The following NEO1 variants were observed in gnomAD, a reference collection of about 807,000 sequenced individuals.
The protein encoded by NEO1 is neogenin 1.
Under a neutral mutation model 159.7 loss-of-function variants are expected in NEO1, and 63 were observed. The ratio of observed to expected loss-of-function variants is 0.39; its 90% CI spans 0.32 to 0.49. NEO1 has a LOEUF of 0.49. Ranked by LOEUF, NEO1 falls within the 20% of genes least tolerant of loss-of-function variation. The pLI is 0.85. For synonymous variants in NEO1, 633 were observed against 662.0 expected (o/e 0.96, Z 0.67); for missense variants, 1,615 against 1,831.0 (o/e 0.88, Z 2.15).
chr15:73,198,171 T>G lies in NEO1; in HGVS notation c.1291+19744T>G, dbSNP rs554060437. ...TTAAAAATTCAACGTATTTAGCCATTTTTTTTTCTAGCAGCACTCAGGATT... is the reference window on the plus strand; with the variant it reads ...TTAAAAATTCAACGTATTTAGCCATGTTTTTTTCTAGCAGCACTCAGGATT... On this transcript the variant is annotated intron_variant, in intron 7 of 28. Transcript: ENST00000261908. Among the ~76,000 whole-genome samples, 10 of 152,126 alleles carry G rather than the reference T, an allele frequency of 6.6e-5. No homozygotes were observed. The East Asian group carries it at 1.7e-3, about 26-fold the overall frequency.
chr15:73,094,286 G>A (rs901468868), intron 1 of NEO1, among the ~76,000 whole-genome samples: 3 of 152,000 alleles, frequency 2.0e-5, no homozygotes, highest in Non-Finnish European at 4.4e-5. Context: ...TTACCTATTC[G>A]GGATATTTCA....
chr15:73,126,284 G>A (rs964346427), intron 3 of NEO1, 133 bp from the exon 4 acceptor site: 20 of 682,750 alleles, frequency 2.9e-5, no homozygotes, highest in Non-Finnish European at 4.6e-5. Context: ...TGCCTACGCT[G>A]GTCTCAAACT....
At chr15:73,120,153 A>ATTAATTTAAT in intron 2 of NEO1, among the ~76,000 whole-genome samples, 1 of 149,772 alleles carries the variant, frequency 6.7e-6, no homozygotes, top group East Asian at 1.9e-4. Flanking sequence ...AAATTAATTA[A>ATTAATTTAAT]TTAATTTAAT....
At chr15:73,179,269 A>G (rs2035461901) in intron 7 of NEO1, among the ~76,000 whole-genome samples, 1 of 152,212 alleles carries the variant, frequency 6.6e-6, no homozygotes, top group African/African-American at 2.4e-5. Flanking sequence ...AGGAGCAACT[A>G]CAACCCCTAG....
chr15:73,251,114 A>C (rs1393279407), intron 11 of NEO1, among the ~76,000 whole-genome samples: 1 of 152,210 alleles, frequency 6.6e-6, no homozygotes, highest in Non-Finnish European at 1.5e-5. Context: ...AGATAAATAA[A>C]ACAGTTGTTG....
chr15:73,138,642 G>C (rs57449417), intron 5 of NEO1, among the ~76,000 whole-genome samples: 1,654 of 152,056 alleles, frequency 0.011, 32 homozygotes, highest in African/African-American at 0.038. Context: ...TGTAGTCCCA[G>C]CTACTTGGGA....
intron 5 of NEO1, among the ~76,000 whole-genome samples, chr15:73,165,717 C>T (rs2034526745): frequency 6.6e-6 from 1 of 152,162 alleles, no homozygotes; most frequent in African/African-American, 2.4e-5. Flanking sequence ...TGAAAGAAGA[C>T]AGCTCTCCAC....
chr15:73,058,392 G>A (rs2067821163), intron 1 of NEO1, among the ~76,000 whole-genome samples: 1 of 152,208 alleles, frequency 6.6e-6, no homozygotes, highest in South Asian at 2.1e-4. Flanking sequence ...GTTGGCATTG[G>A]AATCCAGGTT....
intron 25 of NEO1, among the ~76,000 whole-genome samples, chr15:73,290,692 A>G (rs975246571): frequency 3.9e-5 from 6 of 152,186 alleles, no homozygotes; most frequent in Admixed American, 6.5e-5. Context: ...TCAAACTACT[A>G]TGTCCTCTCT....
intron 5 of NEO1, among the ~76,000 whole-genome samples, chr15:73,167,932 A>C (rs1027171512): frequency 6.6e-6 from 1 of 152,202 alleles, no homozygotes; most frequent in Non-Finnish European, 1.5e-5. Context: ...TTACATCATC[A>C]TAAACATTTA....
intron 13 of NEO1, among the ~76,000 whole-genome samples, chr15:73,257,085 T>C (rs1203974978): frequency 8.1e-6 from 1 of 123,202 alleles, no homozygotes; most frequent in Admixed American, 1.2e-4. Flanking sequence ...TGAGCCGTGA[T>C]TGTGCCACTG....
chr15:73,274,751 CT>C, intron 21 of NEO1, 27 bp downstream of exon 21: 2 of 1,585,896 alleles, frequency 1.3e-6, no homozygotes, highest in South Asian at 1.1e-5. Flanking sequence ...CCTCTCTTTT[CT>C]TTCCTTTCTT....
chr15:73,165,004 C>T (rs899703123), intron 5 of NEO1, among the ~76,000 whole-genome samples: 26 of 151,968 alleles, frequency 1.7e-4, no homozygotes, highest in African/African-American at 5.1e-4. Flanking sequence ...TCATAACTCA[C>T]AGCAGCTTCG....
chr15:73,208,548 G>A (rs897730096), intron 7 of NEO1, among the ~76,000 whole-genome samples: 1 of 151,890 alleles, frequency 6.6e-6, no homozygotes, highest in African/African-American at 2.4e-5. Flanking sequence ...CCTATACTTT[G>A]AACTTACAGA....
chr15:73,127,953 A>G (rs550786123), intron 4 of NEO1, among the ~76,000 whole-genome samples: 132 of 152,328 alleles, frequency 8.7e-4, no homozygotes, highest in African/African-American at 3.1e-3. Flanking sequence ...TCAAAAGTGA[A>G]CAGACAATTT....
At chr15:73,097,419 G>C (rs553494413) in intron 1 of NEO1, among the ~76,000 whole-genome samples, 67 of 131,492 alleles carry the variant, frequency 5.1e-4, no homozygotes, top group African/African-American at 1.9e-3. Flanking sequence ...GGAGTGCAGT[G>C]GTGCAGTCTT....
In NEO1 at chr15:73,282,570, T is replaced by G. The variant is rs566981020; in HGVS notation, c.3263-394T>G. On this transcript the variant is annotated intron_variant, in intron 22 of 28. Transcript: ENST00000261908. ...TGTATGAATGAACATTTTTAAATGG[T>G]TTTGAAAACCAGAAAACTAAATGAC... Among the ~76,000 whole-genome samples the G allele has an allele frequency of 7.6e-4, 116 of 152,340 alleles. 1 individual carries two copies. Among genetic ancestry groups the G allele is most frequent in the African/African-American group, 2.7e-3 (112 of 41,580 alleles).
chr15:73,182,700 TACTC>T (rs2035682848), intron 7 of NEO1, among the ~76,000 whole-genome samples: 1 of 152,114 alleles, frequency 6.6e-6, no homozygotes, highest in African/African-American at 2.4e-5. Context: ...TCGTGAGATT[TACTC>T]ACTACCACAA....
chr15:73,237,633 C>G (rs891994951), intron 8 of NEO1, among the ~76,000 whole-genome samples: 1 of 152,116 alleles, frequency 6.6e-6, no homozygotes, highest in African/African-American at 2.4e-5. Flanking sequence ...CTCAAGAAGT[C>G]TAAGTGGCAT....
Sources: gnomAD v4.1 joint callset for allele counts (sites outside exome capture counted in the v4.1 genomes callset) on GRCh38, gnomAD v4.1.1 for gene constraint, MANE v1.5 for transcripts, NCBI Gene and HGNC (gene_info 2026-07-23, HGNC 2026-07-21) for gene names.